The following CFAP20DC variants were observed in gnomAD, a reference collection of about 807,000 sequenced individuals.
The protein encoded by CFAP20DC is CFAP20 domain containing.
Under a neutral mutation model 101.7 loss-of-function variants are expected in CFAP20DC, and 84 were observed. The ratio of observed to expected loss-of-function variants is 0.83; its 90% CI spans 0.69 to 0.99. CFAP20DC has a LOEUF of 0.99. Among genes scored for constraint, CFAP20DC ranks in the 50% least tolerant of loss-of-function variants. The pLI is 0.00. For missense variants in CFAP20DC, 1,007 were observed against 970.3 expected, an observed-to-expected ratio of 1.04 and a Z score of -0.50; for synonymous variants, 359 against 351.2, an observed-to-expected ratio of 1.02 and a Z score of -0.25.
At chr3:58,806,355 T>C (rs1361410218) in intron 15 of CFAP20DC, 40 bp downstream of exon 15, 1 of 1,110,370 alleles carries the variant, frequency 9.0e-7, no homozygotes. Context: ...TCCAACTAAG[T>C]TTTTTTTTTT....
chr3:58,831,296 AT>A (rs1478429804), intron 14 of CFAP20DC, among the ~76,000 whole-genome samples: 1 of 152,190 alleles, frequency 6.6e-6, no homozygotes, highest in Non-Finnish European at 1.5e-5. Flanking sequence ...ATACTTGTGT[AT>A]CTATAGTCTT....
Position 58,804,220 on chromosome 3 carries a change from G to A in CFAP20DC, c.2237+2175C>T, listed in dbSNP as rs558659985. 2.3e-4 allele frequency among the ~76,000 whole-genome samples: 35 copies of A among 152,262 alleles called. No homozygotes were observed. The South Asian group carries it at 4.6e-3, about 20-fold the overall frequency. ...TCATATTATTAAAAAGGTCTGGAGA[G>A]GTCAGAGGCTTGTCTGAGATTATAT... is the stretch of plus-strand genomic sequence containing the variant. On this transcript the variant is annotated intron_variant, in intron 15 of 16. Coordinates refer to ENST00000482387, the MANE Select transcript of CFAP20DC (RefSeq NM_001394063.1).
intron 4 of CFAP20DC, among the ~76,000 whole-genome samples, chr3:58,994,628 T>C (rs1015869273): frequency 1.3e-5 from 2 of 152,140 alleles, no homozygotes; most frequent in Non-Finnish European, 2.9e-5. Flanking sequence ...ACAATATATA[T>C]CTAAATTGTA....
chr3:58,808,603 C>A (rs1392042933), intron 14 of CFAP20DC, among the ~76,000 whole-genome samples: 3 of 152,166 alleles, frequency 2.0e-5, no homozygotes, highest in Non-Finnish European at 2.9e-5. Flanking sequence ...CCAGCCACTG[C>A]AAAATCATGC....
chr3:58,752,139 A>G (rs182359700), intron 16 of CFAP20DC, among the ~76,000 whole-genome samples: 9 of 152,298 alleles, frequency 5.9e-5, no homozygotes, highest in Admixed American at 5.9e-4. Context: ...TGCAATTAAC[A>G]TGCCATTAAC....
rs534698134 is a variant in CFAP20DC, at chr3:58,971,015, A to C, written c.279-33253T>G. On this transcript the variant is annotated intron_variant, in intron 4 of 16. Transcript: ENST00000482387. The surrounding 1 kb of genome is among the most constrained non-coding windows in gnomAD (Gnocchi z 4.1). Reference sequence around the variant, plus strand: ...AAATTATACATCTGTAACACCACCCACTCTCCTAACCTCCCAAGCATACAC... The same window carrying C: ...AAATTATACATCTGTAACACCACCCCCTCTCCTAACCTCCCAAGCATACAC... Among the ~76,000 whole-genome samples the C allele has an allele frequency of 1.3e-5, 2 of 152,164 alleles. No homozygotes were observed. Among genetic ancestry groups the C allele is most frequent in the South Asian group, 2.1e-4 (1 of 4,814 alleles).
intron 14 of CFAP20DC, among the ~76,000 whole-genome samples, chr3:58,811,409 C>A (rs1194076837): frequency 2.0e-5 from 3 of 152,084 alleles, no homozygotes; most frequent in African/African-American, 4.8e-5. Context: ...CGCATATCTA[C>A]AACTATCTGA....
chr3:58,826,808 T>C (rs982795247), intron 14 of CFAP20DC, among the ~76,000 whole-genome samples: 1 of 152,112 alleles, frequency 6.6e-6, no homozygotes, highest in Admixed American at 6.5e-5. Context: ...GGGATAGTGG[T>C]AACAGTGGTT....
At chr3:58,848,877 T>C (rs2077970005) in intron 13 of CFAP20DC, among the ~76,000 whole-genome samples, 155 bp downstream of exon 13, 1 of 152,142 alleles carries the variant, frequency 6.6e-6, no homozygotes, top group South Asian at 2.1e-4. Flanking sequence ...TAACAGCTGC[T>C]ATTACCAAAC....
chr3:58,784,483 G>A (rs978001080), intron 15 of CFAP20DC, among the ~76,000 whole-genome samples: 84 of 151,970 alleles, frequency 5.5e-4, no homozygotes, highest in African/African-American at 1.6e-3. Flanking sequence ...ATATACCCAC[G>A]TAACAAATCT....
At position 58,856,731 on chromosome 3, in the gene CFAP20DC, T is replaced by A. The variant is rs185590678; in HGVS notation, c.1593+6827A>T. On this transcript the variant is annotated intron_variant, in intron 12 of 16. Transcript: ENST00000482387. The stretch of plus-strand genomic sequence containing the variant: ...AAGCTTAGTCTTTGTCTAGAGAAGA[T>A]GGTAAACAAAAAATAGAGTAAACAT... 2.3e-3 allele frequency among the ~76,000 whole-genome samples: 353 copies of A among 152,296 alleles called. 1 individual carries two copies. Among genetic ancestry groups the A allele is most frequent in the Non-Finnish European group, 3.6e-3 (246 of 68,004 alleles).
In CFAP20DC at chr3:58,874,115, C is replaced by T. The variant is rs569629376; in HGVS notation, c.716-3806G>A. ...TTATATCCAGTAGCCTCTTTACCAG[C>T]TCCTCTTCAGTGTCTGAAAGGCACT... On this transcript the variant is annotated intron_variant, in intron 7 of 16. Transcript: ENST00000482387. The surrounding 1 kb of genome is among the most constrained non-coding windows in gnomAD (Gnocchi z 5.1). 4.2e-4 allele frequency among the ~76,000 whole-genome samples: 64 copies of T among 152,362 alleles called. No homozygotes were observed. Among genetic ancestry groups the T allele is most frequent in the African/African-American group, 1.4e-3 (58 of 41,580 alleles).
rs2067609215 is a variant in CFAP20DC, at chr3:58,729,779, G to A, written c.198-12151C>T. Among the ~76,000 whole-genome samples, 1 of 152,146 alleles carries A rather than the reference G, an allele frequency of 6.6e-6. No homozygotes were observed. The highest frequency in any genetic ancestry group is 2.1e-4 in the South Asian group (1 of 4,822). ...ATGCCTGTAATTCCTAGCACTTTGG[G>A]AGGCCGAGGAGGGTGAATTGCCTGA... is the stretch of plus-strand genomic sequence containing the variant. On this transcript the variant is annotated intron_variant, in intron 3 of 3. Coordinates refer to the CFAP20DC transcript ENST00000486145. The surrounding 1 kb of genome is among the most constrained non-coding windows in gnomAD (Gnocchi z 4.4).
At chr3:58,792,489 C>T (rs1347744538) in intron 15 of CFAP20DC, among the ~76,000 whole-genome samples, 2 of 152,004 alleles carry the variant, frequency 1.3e-5, no homozygotes, top group Non-Finnish European at 2.9e-5. Context: ...TCTGAAAATC[C>T]TTGGCAAGGC....
intron 13 of CFAP20DC, among the ~76,000 whole-genome samples, chr3:58,847,735 T>C (rs1409998278): frequency 7.3e-5 from 9 of 123,844 alleles, no homozygotes; most frequent in Admixed American, 1.7e-4. Flanking sequence ...TATTGCGGCA[T>C]TATTCACAAT....
intron 4 of CFAP20DC, among the ~76,000 whole-genome samples, chr3:59,027,414 T>A (rs2093912887): frequency 6.6e-6 from 1 of 152,174 alleles, no homozygotes; most frequent in African/African-American, 2.4e-5. Context: ...CTAAGAATCC[T>A]AACCTCTCCA....
intron 13 of CFAP20DC, among the ~76,000 whole-genome samples, chr3:58,843,660 G>A (rs899864083): frequency 6.6e-6 from 1 of 151,506 alleles, no homozygotes; most frequent in African/African-American, 2.4e-5. Flanking sequence ...GAAATACAGA[G>A]AATGCCACAA....
chr3:58,738,665 C>G (rs2067812964), downstream of CFAP20DC, among the ~76,000 whole-genome samples: 1 of 152,064 alleles, frequency 6.6e-6, no homozygotes, highest in Admixed American at 6.6e-5. This position sits in a 1 kb window ranked among gnomAD's most constrained non-coding sequence, Gnocchi z 4.4. Context: ...TGCAGGTATC[C>G]TTGTAGTAGA....
intron 15 of CFAP20DC, among the ~76,000 whole-genome samples, chr3:58,757,391 T>C (rs749888919): frequency 5.3e-5 from 8 of 150,048 alleles, no homozygotes; most frequent in South Asian, 2.1e-4. Context: ...CACACACATA[T>C]ATATATGCAT....
Sources: gnomAD v4.1 joint callset for allele counts (sites outside exome capture counted in the v4.1 genomes callset) on GRCh38, gnomAD v4.1.1 for gene constraint, Gnocchi (gnomAD v3.1) non-coding constraint, MANE v1.5 for transcripts, NCBI Gene and HGNC (gene_info 2026-07-23, HGNC 2026-07-21) for gene names.